The following LYST variants were observed in gnomAD, a reference collection of about 807,000 sequenced individuals.
LYST encodes the protein lysosomal-trafficking regulator.
In LYST, 192 loss-of-function variants were observed where a neutral mutation model predicts 413.6. That is an observed-to-expected ratio of 0.46 (90% CI 0.41 to 0.52). LYST has a LOEUF of 0.52. Ranked by LOEUF, LYST falls within the 20% of genes least tolerant of loss-of-function variation. LYST has a pLI of 0.00. For missense variants in LYST, 3,815 were observed against 4,499.9 expected (o/e 0.85, Z 4.35); for synonymous variants, 1,525 against 1,567.3 (o/e 0.97, Z 0.64).
chr1:235,699,248 C>T (rs1661354316), intron 45 of LYST, among the ~76,000 whole-genome samples: 2 of 152,102 alleles, frequency 1.3e-5, no homozygotes, highest in South Asian at 4.1e-4. Context: ...CCACCAACTC[C>T]ACCGCGTGGC....
chr1:235,754,801 T>TGGTG (rs1462628806), intron 25 of LYST, among the ~76,000 whole-genome samples: 1 of 151,972 alleles, frequency 6.6e-6, no homozygotes, highest in Admixed American at 6.6e-5. Flanking sequence ...TTGCCGGGTG[T>TGGTG]GGTGGCCCAC....
chr1:235,853,174 C>T (rs1678747860), intron 1 of LYST: 1 of 169,000 alleles, frequency 5.9e-6, no homozygotes, highest in Admixed American at 6.5e-5. Context: ...CCACATTGTA[C>T]ATTTATACCA....
chr1:235,816,128 CAAAAAAAAAAAAAA>C (rs59556548), intron 3 of LYST, among the ~76,000 whole-genome samples: 4 of 11,790 alleles, frequency 3.4e-4, no homozygotes, highest in South Asian at 6.0e-3. Flanking sequence ...GACTCCATCT[CAAAAAAAAAAAAAA>C]AAAAAAAAAA....
At position 235,819,715 on chromosome 1, in the gene LYST, G is replaced by A. The variant is rs193170181; in HGVS notation, c.193-6654C>T. ...AGCTGGAGTGCAGTGGCGTGATCTC[G>A]GCTCACTGCAAGCTCTGCCTCCCAG... On this transcript the variant is annotated intron_variant, in intron 3 of 52. Coordinates refer to ENST00000389793, the MANE Select transcript of LYST (RefSeq NM_000081.4). Among the ~76,000 whole-genome samples the A allele has an allele frequency of 8.3e-4, 126 of 152,234 alleles. 2 individuals carry two copies. Among genetic ancestry groups the A allele is most frequent in the South Asian group, 1.0e-3 (5 of 4,806 alleles).
chr1:235,790,653 C>T (rs1670885593), intron 12 of LYST, among the ~76,000 whole-genome samples: 1 of 152,214 alleles, frequency 6.6e-6, no homozygotes, highest in South Asian at 2.1e-4. Context: ...ACATCTGTCT[C>T]ATCCAGTCAT....
In LYST at chr1:235,728,122, C is replaced by T; in HGVS notation, c.9116G>A (p.Gly3039Glu). The T allele has an allele frequency of 1.2e-6, 2 of 1,611,150 alleles. No homozygotes were observed. Among genetic ancestry groups the T allele is most frequent in the East Asian group, 4.5e-5 (2 of 44,802 alleles). The change falls in exon 38 of 53, where the codon GGA (glycine) becomes GAA (glutamate). Residue 3039 changes from glycine to glutamate, a missense_variant. Physicochemically the swap from Gly to Glu is moderately conservative, Grantham distance 98. Coordinates refer to ENST00000389793, the MANE Select transcript of LYST (RefSeq NM_000081.4). ...TAGELLLGKC[G>E]MYFVEDNASD... is the part of the protein sequence containing the mutation. ...AGCATTATCTTCCACAAAATACATT[C>T]CACATTTACCTGCAGAAAGTAATTG...
At chr1:235,751,170 C>G in intron 28 of LYST, 40 bp downstream of exon 28, 1 of 1,589,716 alleles carries the variant, frequency 6.3e-7, no homozygotes, top group Non-Finnish European at 8.6e-7. Flanking sequence ...GTCAAGCTAG[C>G]CTCAATTTAT....
chr1:235,709,120 C>T lies in LYST; in HGVS notation c.10114G>A (p.Val3372Ile). 6.2e-7 allele frequency: 1 copy of T among 1,614,072 alleles called. No homozygotes were observed. The highest frequency in any genetic ancestry group is 8.5e-7 in the Non-Finnish European group (1 of 1,179,972). Reference sequence around the variant, plus strand: ...GGATGAAAAACATTGATCGCTTGAACAGAAGCCTTCCCCTTTTGCTTATAC... The same window carrying T: ...GGATGAAAAACATTGATCGCTTGAATAGAAGCCTTCCCCTTTTGCTTATAC... Reference protein sequence around the residue: ...FGYKQKGKASVQAINVFHPAT... With the variant: ...FGYKQKGKASIQAINVFHPAT... Residue 3372 changes from valine to isoleucine, a missense_variant, in exon 44 of 53, where the codon GTT (valine) becomes ATT (isoleucine). Physicochemically the swap from Val to Ile is conservative, Grantham distance 29. This residue lies in a region of LYST where 866 missense variants were observed against 1,156.0 expected (regional missense o/e 0.75). Coordinates refer to ENST00000389793, the MANE Select transcript of LYST (RefSeq NM_000081.4).
Position 235,712,064 on chromosome 1 carries a change from G to A in LYST, c.9918C>T (p.Asn3306=), listed in dbSNP as rs1004626611. 1 of 1,538,386 alleles carries A rather than the reference G, an allele frequency of 6.5e-7. No individual in the cohort carries two copies. Among genetic ancestry groups the A allele is most frequent in the Non-Finnish European group, 8.8e-7 (1 of 1,137,562 alleles). Residue 3306 remains asparagine (N), a synonymous_variant, in exon 43 of 53, where the codon AAC becomes AAT. Transcript: ENST00000389793. The part of the protein sequence containing the change: ...EFFYLPEFLV[N]REGFDFGVRQ... Reference sequence around the variant, plus strand: ...AATAATTTATTGCTATACCTTCACGGTTAACTAGGAACTCTGGAAGATAGA... The same window carrying A: ...AATAATTTATTGCTATACCTTCACGATTAACTAGGAACTCTGGAAGATAGA...
intron 34 of LYST, among the ~76,000 whole-genome samples, chr1:235,732,108 G>T (rs1664435568): frequency 6.6e-6 from 1 of 151,002 alleles, no homozygotes; most frequent in South Asian, 2.1e-4. Flanking sequence ...TTGTAGTTAT[G>T]ATCATTATGA....
At chr1:235,677,335 A>G in intron 49 of LYST, 145 bp downstream of exon 49, 1 of 1,075,806 alleles carries the variant, frequency 9.3e-7, no homozygotes, top group South Asian at 1.3e-5. Flanking sequence ...AATAAAATAT[A>G]ATAGGTAATC....
At chr1:235,750,941 T>C (rs546393733) in intron 28 of LYST, among the ~76,000 whole-genome samples, 11 of 152,318 alleles carry the variant, frequency 7.2e-5, no homozygotes, top group African/African-American at 2.6e-4. Flanking sequence ...TTTTACAATC[T>C]CTGCAGGGGC....
At position 235,880,592 on chromosome 1, in the gene LYST, C is replaced by A. The variant is rs560052755; in HGVS notation, n.454+2595G>T. Among the ~76,000 whole-genome samples the A allele has an allele frequency of 1.5e-4, 23 of 152,278 alleles. No individual in the cohort carries two copies. The East Asian group carries it at 4.0e-3, about 27-fold the overall frequency. ...ACTGCCTAGATGGAATGTATACATA[C>A]CATGTAGGACTTACTGTCTGTTTTT... On this transcript the variant is annotated intron_variant and non_coding_transcript_variant, in intron 1 of 11. Coordinates refer to the LYST transcript ENST00000465349.
chr1:235,747,997 C>A (rs1040522132), intron 28 of LYST, among the ~76,000 whole-genome samples: 4 of 152,112 alleles, frequency 2.6e-5, no homozygotes, highest in African/African-American at 9.7e-5. Context: ...GCAACTGGTA[C>A]ATGGTTGGTA....
intron 31 of LYST, chr1:235,738,066 A>G: frequency 1.3e-6 from 2 of 1,596,656 alleles, no homozygotes; most frequent in Non-Finnish European, 8.5e-7. Flanking sequence ...CCAGAATAAG[A>G]TTACAGTTGT....
At chr1:235,728,873 G>A (rs1389958578) in intron 37 of LYST, among the ~76,000 whole-genome samples, 3 of 152,018 alleles carry the variant, frequency 2.0e-5, no homozygotes, top group Non-Finnish European at 2.9e-5. Context: ...ATTCATTCTC[G>A]AATTTGAAGG....
chr1:235,789,011 T>G (rs1214138210), intron 12 of LYST, among the ~76,000 whole-genome samples, 166 bp from the exon 13 acceptor site: 3 of 152,194 alleles, frequency 2.0e-5, no homozygotes, highest in Admixed American at 1.3e-4. Flanking sequence ...AGAGTATAGA[T>G]GTTAACTCCA....
intron 10 of LYST, 124 bp downstream of exon 10, chr1:235,800,196 C>T: frequency 1.5e-6 from 1 of 676,696 alleles, no homozygotes. Flanking sequence ...ATCCGCCTGC[C>T]ACCTCAGCCT....
chr1:235,688,810 C>A (rs1660407955), intron 47 of LYST, among the ~76,000 whole-genome samples: 1 of 151,852 alleles, frequency 6.6e-6, no homozygotes. Flanking sequence ...TGGTGAAACC[C>A]CGTCTCTACT....
Sources: gnomAD v4.1 joint callset for allele counts (sites outside exome capture counted in the v4.1 genomes callset) on GRCh38, gnomAD v4.1.1 for gene constraint, gnomAD v4.1.1 regional missense constraint, MANE v1.5 for transcripts, NCBI Gene and HGNC (gene_info 2026-07-23, HGNC 2026-07-21) for gene names.